BCL2: variants seen among roughly 807,000 people sequenced by gnomAD.
BCL2 encodes apoptosis regulator Bcl-2.
Under a neutral mutation model 14.2 loss-of-function variants are expected in BCL2, and 1 was observed. That is an observed-to-expected ratio of 0.07 (90% confidence interval 0.02 to 0.33). BCL2 has a LOEUF of 0.33. Among genes scored for constraint, BCL2 ranks in the 10% least tolerant of loss-of-function variants. The probability of loss-of-function intolerance (pLI) is 0.99; values close to 1 mark genes in which losing one functional copy is unlikely to be tolerated. For synonymous variants in BCL2, 151 were observed against 137.2 expected, an observed-to-expected ratio of 1.10 and a Z score of -0.70; for missense variants, 247 against 305.9, an observed-to-expected ratio of 0.81 and a Z score of 1.44.
intron 2 of BCL2, among the ~76,000 whole-genome samples, chr18:63,159,922 C>T (rs1283897385): frequency 6.6e-6 from 1 of 152,230 alleles, no homozygotes; most frequent in East Asian, 1.9e-4. Flanking sequence ...GGGTCATTTA[C>T]ATCGTGTCCA....
intron 2 of BCL2, among the ~76,000 whole-genome samples, chr18:63,140,263 A>T (rs934000271): frequency 3.3e-5 from 5 of 152,228 alleles, no homozygotes; most frequent in African/African-American, 1.2e-4. Flanking sequence ...AGTTAAACAG[A>T]GTCACCACAT....
intron 2 of BCL2, among the ~76,000 whole-genome samples, chr18:63,250,890 A>G (rs1250206259): frequency 2.6e-5 from 4 of 152,200 alleles, no homozygotes; most frequent in Non-Finnish European, 5.9e-5. Context: ...ACAATCACTA[A>G]CATGCAACCC....
At chr18:63,316,309 T>C (rs186176162) in intron 2 of BCL2, 1 of 152,330 alleles carries the variant, frequency 6.6e-6, no homozygotes, top group East Asian at 1.9e-4. Flanking sequence ...CTTGGATTTA[T>C]TTCAAGTAGA....
chr18:63,213,181 G>A (rs1165522339), intron 2 of BCL2, among the ~76,000 whole-genome samples: 2 of 152,110 alleles, frequency 1.3e-5, no homozygotes, highest in Admixed American at 6.5e-5. Flanking sequence ...AAAAATGTAT[G>A]TTAAAACTGT....
chr18:63,128,236 C>A lies in BCL2; in HGVS notation c.*389G>T. 1 of 236,082 alleles carries A rather than the reference C, an allele frequency of 4.2e-6. No individual in the cohort carries two copies. Among genetic ancestry groups the A allele is most frequent in the African/African-American group, 2.2e-5 (1 of 45,460 alleles). The allele number at this position is 236,082 out of a possible 1,614,324, so 14.6% of individuals were successfully genotyped here. On this transcript the variant is annotated 3_prime_UTR_variant, in exon 3 of 3. Coordinates refer to ENST00000333681, the MANE Select transcript of BCL2 (RefSeq NM_000633.3). ...TCCGTCTGCTCTTCAGATGGTGATCCGGCCAACAACATGGAAAGCGAATCT... is the reference window on the plus strand; with the variant it reads ...TCCGTCTGCTCTTCAGATGGTGATCAGGCCAACAACATGGAAAGCGAATCT...
At chr18:63,258,894 A>G (rs1031455049) in intron 2 of BCL2, among the ~76,000 whole-genome samples, 17 of 152,264 alleles carry the variant, frequency 1.1e-4, no homozygotes, top group Non-Finnish European at 2.1e-4. Context: ...AAAACAGAGA[A>G]CAGTGGTGAG....
At chr18:63,146,823 T>A (rs998834499) in intron 2 of BCL2, among the ~76,000 whole-genome samples, 1 of 152,282 alleles carries the variant, frequency 6.6e-6, no homozygotes, top group Non-Finnish European at 1.5e-5. Context: ...TCCCCAGGCA[T>A]AAGTTCATGG....
chr18:63,219,334 T>C (rs1910314829), intron 2 of BCL2, among the ~76,000 whole-genome samples: 3 of 152,168 alleles, frequency 2.0e-5, no homozygotes, highest in African/African-American at 7.2e-5. Flanking sequence ...CTCCTGAACT[T>C]TCTAAATTTT....
At chr18:63,175,611 G>A (rs1265895540) in intron 2 of BCL2, among the ~76,000 whole-genome samples, 1 of 152,206 alleles carries the variant, frequency 6.6e-6, no homozygotes, top group Non-Finnish European at 1.5e-5. Context: ...AGGAAGTGAA[G>A]GGGTGGCCTG....
chr18:63,134,959 G>C (rs905728316), intron 2 of BCL2, among the ~76,000 whole-genome samples: 7 of 152,238 alleles, frequency 4.6e-5, no homozygotes, highest in African/African-American at 1.7e-4. Flanking sequence ...AAGAAAAAAG[G>C]AAAGGGAGAA....
chr18:63,239,705 A>C (rs914255278), intron 2 of BCL2, among the ~76,000 whole-genome samples: 3 of 151,280 alleles, frequency 2.0e-5, no homozygotes, highest in Middle Eastern at 6.9e-3. Flanking sequence ...GCGCCACTGC[A>C]CTCCAGCCTG....
chr18:63,300,488 G>T (rs1198763903), intron 2 of BCL2, among the ~76,000 whole-genome samples: 2 of 151,922 alleles, frequency 1.3e-5, no homozygotes, highest in Non-Finnish European at 2.9e-5. Flanking sequence ...GTGTGTGTGT[G>T]TGTGTATTTT....
In BCL2 at chr18:63,318,253, G is replaced by A. The variant is rs2144322328; in HGVS notation, c.414C>T (p.Phe138=). The A allele has an allele frequency of 1.9e-6, 3 of 1,614,192 alleles. No individual in the cohort carries two copies. The highest frequency in any genetic ancestry group is 2.5e-6 in the Non-Finnish European group (3 of 1,180,014). The part of the protein sequence containing the change: ...GRFATVVEEL[F]RDGVNWGRIV... ...TCCTCCCCCAGTTCACCCCGTCCCT[G>A]AAGAGCTCCTCCACCACCGTGGCAA... is the stretch of plus-strand genomic sequence containing the variant. The change falls in exon 2 of 3, where the codon TTC becomes TTT. Residue 138 remains phenylalanine (F), a synonymous_variant. Transcript: ENST00000333681. This position sits in a 1 kb window ranked among gnomAD's most constrained non-coding sequence, Gnocchi z 7.4.
chr18:63,152,489 C>T (rs906761779), intron 2 of BCL2, among the ~76,000 whole-genome samples: 1 of 152,090 alleles, frequency 6.6e-6, no homozygotes, highest in African/African-American at 2.4e-5. Context: ...TCTAAAATGC[C>T]TGAGACTTTA....
chr18:63,167,925 CAA>C (rs11348997), intron 2 of BCL2, among the ~76,000 whole-genome samples: 10 of 122,462 alleles, frequency 8.2e-5, no homozygotes, highest in Admixed American at 5.7e-4. Flanking sequence ...GACTCCGTCT[CAA>C]AAAAAAAAAA....
At chr18:63,246,433 A>G (rs1395995424) in intron 2 of BCL2, among the ~76,000 whole-genome samples, 3 of 152,226 alleles carry the variant, frequency 2.0e-5, no homozygotes, top group Non-Finnish European at 1.5e-5. Flanking sequence ...ATAAATCACA[A>G]TCATGGTGGA....
chr18:63,131,021 T>G (rs1039217781), intron 2 of BCL2, among the ~76,000 whole-genome samples: 1 of 152,016 alleles, frequency 6.6e-6, no homozygotes, highest in Admixed American at 6.6e-5. Flanking sequence ...TGGTCATGAT[T>G]TGGGGTGAGG....
rs1308549936 is a variant in BCL2 at position 63,300,406 on chromosome 18, C to CA, written c.585+17675dup. On this transcript the variant is annotated intron_variant, in intron 2 of 2. Transcript: ENST00000333681. ...CTTGAAGGATATGTAAGAGTTTGTT[C>CA]AAAAAAAAAGAGAAAAAAACAAAAA... Among the ~76,000 whole-genome samples, 375 of 139,598 alleles carry CA rather than the reference C, an allele frequency of 2.7e-3. 1 individual carries two copies. Among genetic ancestry groups the CA allele is most frequent in the African/African-American group, 8.0e-3 (305 of 38,042 alleles). The allele number at this position is 139,598 out of a possible 152,430, so 91.6% of individuals were successfully genotyped here.
intron 2 of BCL2, among the ~76,000 whole-genome samples, chr18:63,157,533 G>A (rs1258846739): frequency 1.3e-5 from 2 of 152,226 alleles, no homozygotes; most frequent in South Asian, 2.1e-4. Context: ...GAAAATTAGC[G>A]TTCGCTGTTT....
Sources: allele counts gnomAD v4.1 joint callset (sites outside exome capture counted in the v4.1 genomes callset), GRCh38; gene constraint gnomAD v4.1.1; non-coding constraint Gnocchi (gnomAD v3.1); transcripts MANE v1.5; gene names NCBI Gene and HGNC (gene_info 2026-07-23, HGNC 2026-07-21).